Variants in KIF6 observed in about 807,000 individuals in gnomAD.
KIF6 encodes the protein kinesin-like protein KIF6.
A neutral mutation model predicts 112.7 loss-of-function variants in KIF6; 106 were observed. The observed-to-expected ratio is 0.94, with a 90% CI of 0.80 to 1.11. The LOEUF is 1.11. KIF6 is among the 50% of genes least tolerant of loss of function. The pLI, the probability that KIF6 is intolerant of heterozygous loss-of-function variation, is 0.00. For missense variants in KIF6, 929 were observed against 964.0 expected, an observed-to-expected ratio of 0.96 and a Z score of 0.48; for synonymous variants, 339 against 339.9, an observed-to-expected ratio of 1.00 and a Z score of 0.03.
At chr6:39,452,157 T>C (rs1772741528) in intron 13 of KIF6, among the ~76,000 whole-genome samples, 1 of 152,170 alleles carries the variant, frequency 6.6e-6, no homozygotes, top group Admixed American at 6.5e-5. Flanking sequence ...CAGAACTGGA[T>C]TGTGGAAAAC....
intron 7 of KIF6, among the ~76,000 whole-genome samples, chr6:39,594,934 G>T (rs544299775): frequency 6.6e-6 from 1 of 151,900 alleles, no homozygotes; most frequent in African/African-American, 2.4e-5. Flanking sequence ...TGGAACTTGA[G>T]AAATCATCTA....
At chr6:39,577,126 A>G (rs1309712551) in intron 10 of KIF6, among the ~76,000 whole-genome samples, 2 of 152,226 alleles carry the variant, frequency 1.3e-5, no homozygotes, top group African/African-American at 2.4e-5. Context: ...GAAAAGCCTT[A>G]GGGGCCTATC....
chr6:39,706,122 C>G (rs1328217176), intron 3 of KIF6, among the ~76,000 whole-genome samples: 1 of 152,204 alleles, frequency 6.6e-6, no homozygotes, highest in Non-Finnish European at 1.5e-5. Context: ...ATACAATATT[C>G]TGTCAAGGAA....
intron 13 of KIF6, among the ~76,000 whole-genome samples, chr6:39,508,212 C>G (rs150487515): frequency 2.6e-5 from 4 of 151,804 alleles, no homozygotes; most frequent in African/African-American, 7.3e-5. Context: ...GGGAGTTCTA[C>G]GTGCATTAAA....
intron 7 of KIF6, among the ~76,000 whole-genome samples, chr6:39,589,182 C>T (rs1330702114): frequency 3.3e-5 from 5 of 152,128 alleles, no homozygotes; most frequent in South Asian, 2.1e-4. Flanking sequence ...ATGCTCTTGC[C>T]CCAGATTTCC....
intron 15 of KIF6, among the ~76,000 whole-genome samples, chr6:39,402,400 G>A (rs1315347283): frequency 6.6e-6 from 1 of 152,156 alleles, no homozygotes; most frequent in Non-Finnish European, 1.5e-5. Context: ...CAGTGATTTA[G>A]GAAGTCAGGG....
chr6:39,517,218 C>T (rs1381273777), intron 13 of KIF6, among the ~76,000 whole-genome samples: 1 of 152,172 alleles, frequency 6.6e-6, no homozygotes, highest in East Asian at 1.9e-4. Context: ...CCAAATGACA[C>T]TGTAACTTAG....
rs548351218 is a variant in KIF6, at chr6:39,612,914, T to C, written c.639+275A>G. ...AACTTAGAATATAAAAATAAAAACT[T>C]AAAGGTAGATACACTAAAGTAGAAA... On this transcript the variant is annotated intron_variant, in intron 6 of 22. Coordinates refer to ENST00000287152, the MANE Select transcript of KIF6 (RefSeq NM_145027.6). 3.9e-5 allele frequency among the ~76,000 whole-genome samples: 6 copies of C among 152,216 alleles called. No individual in the cohort carries two copies. In the East Asian group the frequency reaches 9.7e-4, roughly 24 times the overall value.
At chr6:39,485,296 A>G (rs948047571) in intron 13 of KIF6, among the ~76,000 whole-genome samples, 11 of 152,206 alleles carry the variant, frequency 7.2e-5, no homozygotes, top group Non-Finnish European at 1.6e-4. Flanking sequence ...AGTATGATGA[A>G]ATGTGAAAAT....
intron 10 of KIF6, among the ~76,000 whole-genome samples, chr6:39,571,362 T>A (rs1402872417): frequency 6.6e-6 from 1 of 152,188 alleles, no homozygotes; most frequent in Non-Finnish European, 1.5e-5. Context: ...TCCAATTCTA[T>A]GAGAGGAGTA....
At chr6:39,439,231 A>G (rs1441384991) in intron 13 of KIF6, among the ~76,000 whole-genome samples, 3 of 152,202 alleles carry the variant, frequency 2.0e-5, no homozygotes, top group Non-Finnish European at 1.5e-5. Flanking sequence ...TACTGCAAAG[A>G]CATACATTTT....
intron 19 of KIF6, among the ~76,000 whole-genome samples, chr6:39,353,549 C>CTT (rs1446143751): frequency 3.3e-5 from 5 of 152,304 alleles, no homozygotes; most frequent in South Asian, 2.1e-4. Context: ...TTAAAAATAT[C>CTT]TTTTGCAGAG....
intron 3 of KIF6, among the ~76,000 whole-genome samples, chr6:39,640,945 T>C (rs993221958): frequency 2.0e-5 from 3 of 152,166 alleles, no homozygotes; most frequent in Non-Finnish European, 2.9e-5. Flanking sequence ...CGCAAGAAAG[T>C]ATTGTAACTG....
At chr6:39,570,101 T>C (rs962521073) in intron 10 of KIF6, among the ~76,000 whole-genome samples, 3 of 152,264 alleles carry the variant, frequency 2.0e-5, no homozygotes, top group African/African-American at 7.2e-5. Context: ...GTGGGTTTTA[T>C]AATACTATGT....
At chr6:39,596,690 A>G (rs1424529349) in intron 6 of KIF6, among the ~76,000 whole-genome samples, 3 of 152,194 alleles carry the variant, frequency 2.0e-5, no homozygotes, top group East Asian at 3.8e-4. Flanking sequence ...ACCTACCATC[A>G]CTGTTACTAC....
At chr6:39,565,445 C>T (rs1218030082) in intron 10 of KIF6, among the ~76,000 whole-genome samples, 1 of 152,134 alleles carries the variant, frequency 6.6e-6, no homozygotes, top group Non-Finnish European at 1.5e-5. Context: ...AGGACAGATC[C>T]AAATCTCCAT....
chr6:39,335,217 T>TA lies in KIF6; in HGVS notation c.*1314dup, dbSNP rs1762873019. The TA allele has an allele frequency of 6.6e-6, 1 of 151,978 alleles. No homozygotes were observed. Among genetic ancestry groups the TA allele is most frequent in the South Asian group, 2.1e-4 (1 of 4,800 alleles). 9.4% of individuals were successfully genotyped at this position (151,978 alleles called of 1,614,324 possible). A position where few individuals can be genotyped will look rare whatever the true frequency, so the allele number is the denominator to read the frequency against. On this transcript the variant is annotated 3_prime_UTR_variant, in exon 23 of 23. Coordinates refer to ENST00000287152, the MANE Select transcript of KIF6 (RefSeq NM_145027.6). ...GAAAAAATGGTAATGGGATAGGGGA[T>TA]AACTAGGGGGTGACTCGAGATGGAG...
chr6:39,532,435 G>A (rs1778130009), intron 13 of KIF6, among the ~76,000 whole-genome samples: 1 of 152,114 alleles, frequency 6.6e-6, no homozygotes, highest in Admixed American at 6.5e-5. Flanking sequence ...ATAAATTAAT[G>A]AATTCAGCAA....
intron 14 of KIF6, among the ~76,000 whole-genome samples, chr6:39,427,379 GTTAT>G (rs369923606): frequency 2.6e-3 from 398 of 152,292 alleles, no homozygotes; most frequent in African/African-American, 8.8e-3. Context: ...TGCTTATGCA[GTTAT>G]TTGTTTTCAT....
Sources: gnomAD v4.1 joint callset for allele counts (sites outside exome capture counted in the v4.1 genomes callset) on GRCh38, gnomAD v4.1.1 for gene constraint, MANE v1.5 for transcripts, NCBI Gene and HGNC (gene_info 2026-07-23, HGNC 2026-07-21) for gene names.